The following CACNG5 variants were observed in gnomAD, a reference collection of about 807,000 sequenced individuals.
CACNG5 encodes the protein calcium voltage-gated channel auxiliary subunit gamma 5, also known as voltage-dependent calcium channel gamma-5 subunit.
A neutral mutation model predicts 24.8 loss-of-function variants in CACNG5; 18 were observed. The ratio of observed to expected loss-of-function variants is 0.73; its 90% CI spans 0.50 to 1.08. The LOEUF (loss-of-function observed/expected upper bound fraction) is 1.08. Among genes scored for constraint, CACNG5 ranks in the 50% least tolerant of loss-of-function variants. CACNG5 has a pLI of 0.00. For missense variants in CACNG5, 349 were observed against 367.9 expected, an observed-to-expected ratio of 0.95 and a Z score of 0.42; for synonymous variants, 157 against 149.1, an observed-to-expected ratio of 1.05 and a Z score of -0.39.
At chr17:66,878,636 T>C (rs1422217304) in intron 2 of CACNG5, among the ~76,000 whole-genome samples, 2 of 152,190 alleles carry the variant, frequency 1.3e-5, no homozygotes, top group Non-Finnish European at 2.9e-5. Context: ...TATGCACCAT[T>C]GTCAGCCCCA....
chr17:66,890,705 G>A lies in CACNG5; in HGVS notation c.*5465G>A, dbSNP rs537986037. Among the ~76,000 whole-genome samples the A allele has an allele frequency of 4.6e-5, 7 of 152,312 alleles. No individual in the cohort carries two copies. In the East Asian group the frequency reaches 1.4e-3, roughly 29 times the overall value. On this transcript the variant is annotated 3_prime_UTR_variant, in exon 6 of 6. Transcript: ENST00000533854. The stretch of plus-strand genomic sequence containing the variant: ...CTCATCAGGTGCTGCTGCACCCTCT[G>A]TGTGTTACCAGCAGCCCTCGGAACT...
At chr17:66,842,689 T>C (rs999438090) in intron 1 of CACNG5, among the ~76,000 whole-genome samples, 2 of 152,162 alleles carry the variant, frequency 1.3e-5, no homozygotes, top group Admixed American at 1.3e-4. Context: ...GCAGACCTAG[T>C]TTCCTCTGCA....
intron 1 of CACNG5, among the ~76,000 whole-genome samples, chr17:66,873,021 T>C (rs72843364): frequency 0.026 from 3,921 of 152,256 alleles, 71 homozygotes; most frequent in Non-Finnish European, 0.039. Context: ...GACTTTGGAG[T>C]TAGACCTGGG....
chr17:66,884,689 A>G, intron 5 of CACNG5, 28 bp downstream of exon 5: 1 of 1,614,184 alleles, frequency 6.2e-7, no homozygotes. Flanking sequence ...AAGTATGGAT[A>G]GGCTGGGCCT....
At position 66,888,814 on chromosome 17, in the gene CACNG5, G is replaced by A. The variant is rs1977301296; in HGVS notation, c.*3574G>A. Among the ~76,000 whole-genome samples the A allele has an allele frequency of 6.6e-6, 1 of 152,088 alleles. No individual in the cohort carries two copies. Among genetic ancestry groups the A allele is most frequent in the Admixed American group, 6.6e-5 (1 of 15,266 alleles). ...GGGGCTGACATCTCTCTGGTTGGAG[G>A]GAAGGTTATCTCGGGGCTGGCATGT... On this transcript the variant is annotated 3_prime_UTR_variant, in exon 6 of 6. Coordinates refer to ENST00000533854, the MANE Select transcript of CACNG5 (RefSeq NM_145811.3).
chr17:66,876,468 G>A (rs965158598), intron 1 of CACNG5, among the ~76,000 whole-genome samples: 1 of 152,202 alleles, frequency 6.6e-6, no homozygotes, highest in Non-Finnish European at 1.5e-5. Flanking sequence ...TGGGGCTTGT[G>A]GTTGACCTTG....
chr17:66,856,961 T>A (rs1976787021), intron 1 of CACNG5, among the ~76,000 whole-genome samples: 1 of 151,814 alleles, frequency 6.6e-6, no homozygotes, highest in Admixed American at 6.6e-5. Flanking sequence ...GAATGTTATA[T>A]AAGTGGAATC....
intron 1 of CACNG5, among the ~76,000 whole-genome samples, chr17:66,835,477 T>C (rs1393777020): frequency 6.6e-6 from 1 of 152,190 alleles, no homozygotes; most frequent in Non-Finnish European, 1.5e-5. Flanking sequence ...TGTCCATCTG[T>C]CTGTCCCAAG....
chr17:66,878,920 C>A (rs1977120871), intron 2 of CACNG5, 52 bp from the exon 3 acceptor site: 1 of 1,455,578 alleles, frequency 6.9e-7, no homozygotes, highest in Admixed American at 1.7e-5. Context: ...TATGGACCAA[C>A]TTCAAATCCA....
chr17:66,873,936 GTT>G (rs4021785), intron 1 of CACNG5, among the ~76,000 whole-genome samples: 85,660 of 144,496 alleles, frequency 0.59, 25,037 homozygotes, highest in East Asian at 0.74. Context: ...CTCACAAGCT[GTT>G]TTTTTTTTTT....
At chr17:66,840,514 G>A (rs1396633112) in intron 1 of CACNG5, among the ~76,000 whole-genome samples, 3 of 152,196 alleles carry the variant, frequency 2.0e-5, no homozygotes, top group African/African-American at 7.2e-5. Context: ...CCATTAGCAG[G>A]ATTCTGCAGC....
rs56153121 is a variant in CACNG5, at chr17:66,857,065, G to GTT, written c.-103-20142_-103-20141dup. Among the ~76,000 whole-genome samples, 616 of 94,066 alleles carry GTT rather than the reference G, an allele frequency of 6.5e-3. 17 individuals are homozygous for GTT. The highest frequency in any genetic ancestry group is 0.016 in the Middle Eastern group (2 of 124). 61.7% of individuals were successfully genotyped at this position (94,066 alleles called of 152,430 possible). On this transcript the variant is annotated intron_variant, in intron 1 of 5. Transcript: ENST00000533854. The stretch of plus-strand genomic sequence containing the variant: ...AACACATTTTTATTTCAATTTTTAA[G>GTT]TTTTTTTTTTTTTTTTTTTTTTTTG...
rs1182729996 is a variant in CACNG5, at chr17:66,893,584, AG to A, written c.*8346del. 6.6e-6 allele frequency among the ~76,000 whole-genome samples: 1 copy of A among 152,212 alleles called. No individual in the cohort carries two copies. The highest frequency in any genetic ancestry group is 1.5e-5 in the Non-Finnish European group (1 of 68,034). On this transcript the variant is annotated 3_prime_UTR_variant, in exon 6 of 6. Transcript: ENST00000533854. ...GATGCATCCTACCAACGTGACCCCA[AG>A]GAAAGTGCTGGAGGAATTGGGCTCA...
intron 1 of CACNG5, 126 bp from the exon 2 acceptor site, chr17:66,877,104 G>A: frequency 9.7e-6 from 5 of 517,286 alleles, no homozygotes; most frequent in Non-Finnish European, 1.7e-5. Flanking sequence ...TGCGGGGTTA[G>A]GGGGAGGGTG....
intron 1 of CACNG5, among the ~76,000 whole-genome samples, chr17:66,843,690 C>T (rs1224065355): frequency 6.6e-6 from 1 of 152,032 alleles, no homozygotes; most frequent in East Asian, 1.9e-4. Flanking sequence ...TTCCATGAGC[C>T]GTTCGTGGGT....
At chr17:66,842,703 C>G (rs1261360324) in intron 1 of CACNG5, among the ~76,000 whole-genome samples, 1 of 152,174 alleles carries the variant, frequency 6.6e-6, no homozygotes, top group East Asian at 1.9e-4. Context: ...CTCTGCAGGC[C>G]TCAGGCCATA....
chr17:66,869,965 C>T (rs1013683189), intron 1 of CACNG5, among the ~76,000 whole-genome samples: 5 of 152,084 alleles, frequency 3.3e-5, no homozygotes, highest in Admixed American at 6.6e-5. Context: ...CTCCTGTAAT[C>T]CCGGCTACTT....
chr17:66,869,595 G>A (rs545880318), intron 1 of CACNG5, among the ~76,000 whole-genome samples: 60 of 152,170 alleles, frequency 3.9e-4, no homozygotes, highest in African/African-American at 1.0e-3. Flanking sequence ...GCCTACTTCC[G>A]TGTGCCATTC....
At chr17:66,875,517 T>A (rs1977063232) in intron 1 of CACNG5, among the ~76,000 whole-genome samples, 1 of 152,130 alleles carries the variant, frequency 6.6e-6, no homozygotes, top group Non-Finnish European at 1.5e-5. Context: ...CGTGCACCCC[T>A]CAACCCCTTC....
Sources: allele counts gnomAD v4.1 joint callset (sites outside exome capture counted in the v4.1 genomes callset), GRCh38; gene constraint gnomAD v4.1.1; transcripts MANE v1.5; gene names NCBI Gene and HGNC (gene_info 2026-07-23, HGNC 2026-07-21).